Variants in GREM2 observed in about 807,000 individuals in gnomAD.
GREM2 encodes gremlin-2.
A neutral mutation model predicts 14.2 loss-of-function variants in GREM2; 11 were observed. The ratio of observed to expected loss-of-function variants is 0.78; its 90% CI spans 0.49 to 1.28. GREM2 has a LOEUF of 1.28. Among genes scored for constraint, GREM2 ranks in the 50% most tolerant of loss-of-function variants. The pLI is 0.00. For synonymous variants in GREM2, 98 were observed against 97.6 expected, an observed-to-expected ratio of 1.00 and a Z score of -0.02; for missense variants, 210 against 218.5, an observed-to-expected ratio of 0.96 and a Z score of 0.24.
chr1:240,499,336 G>A (rs147632577), intron 1 of GREM2, among the ~76,000 whole-genome samples: 16 of 152,274 alleles, frequency 1.1e-4, no homozygotes, highest in African/African-American at 3.6e-4. Flanking sequence ...GGTGAATGGC[G>A]TGGGGCTGAA....
intron 1 of GREM2, among the ~76,000 whole-genome samples, chr1:240,597,105 A>G (rs1281492076): frequency 2.0e-5 from 3 of 152,138 alleles, no homozygotes. Context: ...TTTCCAAAGA[A>G]CTACACCTGA....
At chr1:240,556,654 G>A (rs1678956041) in intron 1 of GREM2, among the ~76,000 whole-genome samples, 1 of 151,798 alleles carries the variant, frequency 6.6e-6, no homozygotes, top group Non-Finnish European at 1.5e-5. Flanking sequence ...ATTCCTACGA[G>A]AAAAAAGAAG....
chr1:240,607,974 A>C (rs1199394602), intron 1 of GREM2, among the ~76,000 whole-genome samples: 1 of 152,266 alleles, frequency 6.6e-6, no homozygotes, highest in Non-Finnish European at 1.5e-5. Flanking sequence ...AATGTAAAGG[A>C]CTATACTAGT....
In GREM2 at chr1:240,490,868, T is replaced by G. The variant is rs1261085075; in HGVS notation, c.*2101A>C. ...CTCCCAATCCACCCCTAGCCTCCAT[T>G]ACAATCACGTAAATTTCCTTCCTTC... On this transcript the variant is annotated 3_prime_UTR_variant, in exon 2 of 2. Transcript: ENST00000318160. The G allele has an allele frequency of 6.6e-6, 1 of 152,194 alleles. No individual in the cohort carries two copies. Among genetic ancestry groups the G allele is most frequent in the Non-Finnish European group, 1.5e-5 (1 of 68,050 alleles). The allele number at this position is 152,194 out of a possible 1,614,324, so 9.4% of individuals were successfully genotyped here.
At chr1:240,516,876 G>A (rs1452797701) in intron 1 of GREM2, among the ~76,000 whole-genome samples, 2 of 152,100 alleles carry the variant, frequency 1.3e-5, no homozygotes, top group Non-Finnish European at 2.9e-5. Flanking sequence ...TTGGAAGATG[G>A]GGGTCGGCCA....
At chr1:240,512,708 T>G (rs1029341899) in intron 1 of GREM2, among the ~76,000 whole-genome samples, 5 of 152,254 alleles carry the variant, frequency 3.3e-5, no homozygotes, top group African/African-American at 1.2e-4. Flanking sequence ...TTAAAAAGTT[T>G]CCAGAATCAT....
intron 1 of GREM2, among the ~76,000 whole-genome samples, chr1:240,524,679 G>A (rs1460551021): frequency 2.6e-5 from 4 of 152,238 alleles, no homozygotes; most frequent in African/African-American, 7.2e-5. Flanking sequence ...ATCTACTTGT[G>A]GTGAAGGCCT....
chr1:240,604,288 C>G (rs7513986), intron 1 of GREM2, among the ~76,000 whole-genome samples: 3,037 of 144,986 alleles, frequency 0.021, 109 homozygotes, highest in African/African-American at 0.074. Context: ...CCAATTAGAT[C>G]AGCTTTATAT....
At chr1:240,597,287 C>T (rs569146668) in intron 1 of GREM2, among the ~76,000 whole-genome samples, 153 of 152,326 alleles carry the variant, frequency 1.0e-3, no homozygotes, top group Non-Finnish European at 8.5e-4. Flanking sequence ...AGCAAATCAG[C>T]GGGGTATTTA....
chr1:240,563,042 GTGTGTA>G (rs1316793614), intron 1 of GREM2, among the ~76,000 whole-genome samples: 1 of 143,200 alleles, frequency 7.0e-6, no homozygotes, highest in Non-Finnish European at 1.5e-5. Flanking sequence ...GAGTGTGTAT[GTGTGTA>G]TGTGTATAGT....
intron 1 of GREM2, among the ~76,000 whole-genome samples, chr1:240,547,511 A>G (rs943978012): frequency 9.9e-6 from 1 of 101,286 alleles, no homozygotes; most frequent in Non-Finnish European, 1.8e-5. Flanking sequence ...AAAAAAAAAA[A>G]AAAATATATA....
At chr1:240,590,518 C>T (rs558041615) in intron 1 of GREM2, among the ~76,000 whole-genome samples, 3 of 151,734 alleles carry the variant, frequency 2.0e-5, no homozygotes, top group African/African-American at 7.3e-5. Flanking sequence ...CAACCTCTGC[C>T]TCCTGGGTTC....
At chr1:240,509,281 C>G (rs1447945560) in intron 1 of GREM2, among the ~76,000 whole-genome samples, 1 of 151,858 alleles carries the variant, frequency 6.6e-6, no homozygotes, top group Non-Finnish European at 1.5e-5. Context: ...AACCAGGGAC[C>G]TGGCTCACTC....
intron 1 of GREM2, among the ~76,000 whole-genome samples, chr1:240,507,581 C>G (rs775488398): frequency 5.9e-5 from 9 of 152,120 alleles, no homozygotes; most frequent in Non-Finnish European, 8.8e-5. Flanking sequence ...GATACGCCCA[C>G]CTTGGCCTCC....
chr1:240,510,469 G>A (rs930927308), intron 1 of GREM2, among the ~76,000 whole-genome samples: 1 of 150,156 alleles, frequency 6.7e-6, no homozygotes, highest in Non-Finnish European at 1.5e-5. Flanking sequence ...GGGGCTGGGG[G>A]TGGAGGGGAA....
At position 240,612,067 on chromosome 1, in the gene GREM2, G is replaced by T. The variant is rs542052189; in HGVS notation, c.-185C>A. The T allele has an allele frequency of 6.5e-6, 1 of 152,708 alleles. No homozygotes were observed. The highest frequency in any genetic ancestry group is 6.5e-5 in the Admixed American group (1 of 15,278). 9.5% of individuals were successfully genotyped at this position (152,708 alleles called of 1,614,324 possible). The stretch of plus-strand genomic sequence containing the variant: ...CATAAGAGAAGCGCGCCGGCTGAGG[G>T]TGCAGGAGAGGCGAGAGCGCGCCCC... On this transcript the variant is annotated 5_prime_UTR_variant, in exon 1 of 2. Transcript: ENST00000318160.
At chr1:240,560,552 C>T (rs1679019202) in intron 1 of GREM2, among the ~76,000 whole-genome samples, 2 of 152,086 alleles carry the variant, frequency 1.3e-5, no homozygotes, top group Non-Finnish European at 2.9e-5. Context: ...TTAAGTGAAA[C>T]AGTTATTTGA....
chr1:240,575,141 A>T (rs771841149), intron 1 of GREM2, among the ~76,000 whole-genome samples: 36 of 151,920 alleles, frequency 2.4e-4, no homozygotes, highest in South Asian at 6.2e-4. Context: ...AAATAAAAAT[A>T]AAAAAATTGA....
chr1:240,585,206 A>T (rs1000214536), intron 1 of GREM2, among the ~76,000 whole-genome samples: 2 of 152,076 alleles, frequency 1.3e-5, no homozygotes, highest in African/African-American at 4.8e-5. Context: ...TGTCAGGGCC[A>T]AGACTAGTGT....
Sources: gnomAD v4.1 joint callset for allele counts (sites outside exome capture counted in the v4.1 genomes callset) on GRCh38, gnomAD v4.1.1 for gene constraint, MANE v1.5 for transcripts, NCBI Gene and HGNC (gene_info 2026-07-23, HGNC 2026-07-21) for gene names.